The following CNTNAP2 variants were observed in gnomAD, a reference collection of about 807,000 sequenced individuals.
CNTNAP2 encodes the protein contactin associated protein 2, also known as contactin-associated protein-like 2.
A neutral mutation model predicts 155.2 loss-of-function variants in CNTNAP2; 98 were observed. The observed-to-expected ratio is 0.63, with a 90% confidence interval of 0.54 to 0.75. CNTNAP2 has a LOEUF of 0.75. CNTNAP2 is among the 30% of genes least tolerant of loss of function. The probability of loss-of-function intolerance (pLI) is 0.00; values close to 1 mark genes in which losing one functional copy is unlikely to be tolerated. For missense variants in CNTNAP2, 1,727 were observed against 1,688.1 expected (o/e 1.02, Z -0.40); for synonymous variants, 651 against 631.2 (o/e 1.03, Z -0.47).
At chr7:147,279,895 G>A (rs187672471) in intron 8 of CNTNAP2, among the ~76,000 whole-genome samples, 1 of 151,852 alleles carries the variant, frequency 6.6e-6, no homozygotes, top group African/African-American at 2.4e-5. Context: ...ATGTTTACAC[G>A]GTGGTAGACA....
At chr7:146,806,036 G>T (rs904998082) in intron 2 of CNTNAP2, among the ~76,000 whole-genome samples, 1 of 152,082 alleles carries the variant, frequency 6.6e-6, no homozygotes, top group South Asian at 2.1e-4. Context: ...TGTAAATTAG[G>T]TGATTTCTCA....
At chr7:146,802,877 TG>T (rs1432071808) in intron 2 of CNTNAP2, among the ~76,000 whole-genome samples, 2 of 152,176 alleles carry the variant, frequency 1.3e-5, no homozygotes, top group African/African-American at 4.8e-5. Flanking sequence ...CAGCTGGAAG[TG>T]CTCTCTGGAA....
chr7:147,319,833 G>T (rs1207924712), intron 9 of CNTNAP2, among the ~76,000 whole-genome samples: 3 of 152,164 alleles, frequency 2.0e-5, no homozygotes, highest in Non-Finnish European at 4.4e-5. Context: ...ACTGGATGAA[G>T]GGGCTGGTAT....
Position 148,099,488 on chromosome 7 carries a change from A to T in CNTNAP2, c.2384-18630A>T, listed in dbSNP as rs145850254. Among the ~76,000 whole-genome samples the T allele has an allele frequency of 2.7e-5, 4 of 149,426 alleles. No homozygotes were observed. In the East Asian group the frequency reaches 7.9e-4, roughly 30 times the overall value. On this transcript the variant is annotated intron_variant, in intron 15 of 23. Coordinates refer to ENST00000361727, the MANE Select transcript of CNTNAP2 (RefSeq NM_014141.6). ...GATATGGGCAGTTGTAGTGTGGAAC[A>T]CCTCAGCAGCACCCAGGCCTCACTT...
chr7:147,534,349 G>A (rs763892761), intron 11 of CNTNAP2, among the ~76,000 whole-genome samples: 2 of 152,152 alleles, frequency 1.3e-5, no homozygotes, highest in Non-Finnish European at 2.9e-5. Context: ...TAATGAAAAT[G>A]TTTATTTAAA....
At chr7:147,479,695 A>G (rs941670159) in intron 10 of CNTNAP2, among the ~76,000 whole-genome samples, 1 of 152,118 alleles carries the variant, frequency 6.6e-6, no homozygotes, top group Non-Finnish European at 1.5e-5. Flanking sequence ...TCATCATAGC[A>G]AAATTAATGA....
intron 18 of CNTNAP2, among the ~76,000 whole-genome samples, chr7:148,181,761 TTTTTTTTTTTTTTTG>T: frequency 7.9e-6 from 1 of 126,576 alleles, no homozygotes; most frequent in Non-Finnish European, 1.6e-5. Context: ...TTTTTTTTTT[TTTTTTTTTTTTTTTG>T]AGACGGAGTC....
chr7:146,355,907 T>G (rs897742259), intron 1 of CNTNAP2, among the ~76,000 whole-genome samples: 6 of 152,170 alleles, frequency 3.9e-5, no homozygotes, highest in Admixed American at 3.3e-4. Flanking sequence ...TGATCTCATC[T>G]TTGCACACTG....
At chr7:147,810,371 AT>A (rs934510365) in intron 13 of CNTNAP2, among the ~76,000 whole-genome samples, 1 of 151,700 alleles carries the variant, frequency 6.6e-6, no homozygotes, top group African/African-American at 2.4e-5. Flanking sequence ...TTTCTCCCTT[AT>A]TTTCACTTTT....
intron 13 of CNTNAP2, among the ~76,000 whole-genome samples, chr7:147,801,852 C>CG (rs139509820): frequency 0.02 from 3,059 of 151,174 alleles, 63 homozygotes; most frequent in South Asian, 0.049. Flanking sequence ...ACCTCCCAGA[C>CG]GGGGGGGGCG....
chr7:147,649,585 T>A (rs2116938916), intron 13 of CNTNAP2, among the ~76,000 whole-genome samples: 1 of 152,256 alleles, frequency 6.6e-6, no homozygotes, highest in East Asian at 1.9e-4. Flanking sequence ...GATGATCACA[T>A]CTTAATGAAC....
At chr7:147,018,497 G>A (rs1037341584) in intron 3 of CNTNAP2, among the ~76,000 whole-genome samples, 5 of 152,034 alleles carry the variant, frequency 3.3e-5, no homozygotes, top group Admixed American at 6.6e-5. Context: ...GATGGGGAAA[G>A]GGATAAGAGA....
chr7:146,884,859 A>G (rs1795625642), intron 3 of CNTNAP2, among the ~76,000 whole-genome samples: 1 of 152,160 alleles, frequency 6.6e-6, no homozygotes. Flanking sequence ...CATTCTAAAA[A>G]CTTGTAGACA....
At chr7:146,829,914 T>C (rs1803478096) in intron 2 of CNTNAP2, among the ~76,000 whole-genome samples, 1 of 152,082 alleles carries the variant, frequency 6.6e-6, no homozygotes, top group Admixed American at 6.6e-5. Context: ...TTTTATAGCT[T>C]ATAATTTTTC....
intron 1 of CNTNAP2, among the ~76,000 whole-genome samples, chr7:146,314,986 A>G (rs927078023): frequency 4.6e-5 from 7 of 152,126 alleles, no homozygotes; most frequent in African/African-American, 1.2e-4. Context: ...GAAGACTTCA[A>G]CTCTTCACAG....
At chr7:146,549,568 C>G (rs564629938) in intron 1 of CNTNAP2, among the ~76,000 whole-genome samples, 2 of 152,094 alleles carry the variant, frequency 1.3e-5, no homozygotes, top group East Asian at 3.9e-4. Context: ...ACACATATAT[C>G]TATTTGCAGC....
chr7:147,763,311 T>C (rs1797335823), intron 13 of CNTNAP2, among the ~76,000 whole-genome samples: 1 of 151,442 alleles, frequency 6.6e-6, no homozygotes, highest in African/African-American at 2.4e-5. Flanking sequence ...CAGCCAATGA[T>C]TGCAGCTGTG....
intron 15 of CNTNAP2, among the ~76,000 whole-genome samples, chr7:148,098,692 C>T (rs900412510): frequency 1.7e-4 from 26 of 152,012 alleles, no homozygotes; most frequent in African/African-American, 5.3e-4. Context: ...TTTAAATTTT[C>T]ATTAAAATAA....
At chr7:147,839,461 C>T (rs77003099) in intron 13 of CNTNAP2, among the ~76,000 whole-genome samples, 4,950 of 152,204 alleles carry the variant, frequency 0.033, 134 homozygotes, top group Non-Finnish European at 0.052. Flanking sequence ...GGTAAAGGAA[C>T]ATTTCCAGAG....
Sources: gnomAD v4.1 joint callset for allele counts (sites outside exome capture counted in the v4.1 genomes callset) on GRCh38, gnomAD v4.1.1 for gene constraint, MANE v1.5 for transcripts, NCBI Gene and HGNC (gene_info 2026-07-23, HGNC 2026-07-21) for gene names.